Variants in ZEB2 observed in about 807,000 individuals in gnomAD.
The protein encoded by ZEB2 is zinc finger E-box binding homeobox 2.
A neutral mutation model predicts 99.9 loss-of-function variants in ZEB2; 6 were observed. That is an observed-to-expected ratio of 0.06 (90% CI 0.03 to 0.12). The LOEUF (loss-of-function observed/expected upper bound fraction) is 0.12, where lower values mean the gene tolerates loss of function less well. Ranked by LOEUF, ZEB2 falls within the 10% of genes least tolerant of loss-of-function variation. The pLI is 1.00. For missense variants in ZEB2, 969 were observed against 1,502.8 expected, an observed-to-expected ratio of 0.64 and a Z score of 5.87; for synonymous variants, 517 against 542.5, an observed-to-expected ratio of 0.95 and a Z score of 0.65.
chr2:144,486,809 A>G (rs1704602806), intron 2 of ZEB2, among the ~76,000 whole-genome samples: 1 of 152,218 alleles, frequency 6.6e-6, no homozygotes, highest in Non-Finnish European at 1.5e-5. Context: ...AAAAATCAAG[A>G]TTAACAAGCA....
At chr2:144,517,511 G>A (rs1573822123) in intron 1 of ZEB2, 92 bp from the exon 2 acceptor site, 1 of 827,692 alleles carries the variant, frequency 1.2e-6, no homozygotes, top group Non-Finnish European at 2.0e-6. Flanking sequence ...GGGCCCCGGC[G>A]AGCACCCATC....
At chr2:144,475,695 TA>T (rs1359971962) in intron 2 of ZEB2, among the ~76,000 whole-genome samples, 2 of 151,962 alleles carry the variant, frequency 1.3e-5, no homozygotes, top group East Asian at 3.9e-4. Context: ...ACTGCCTCCT[TA>T]AAAAAAATTA....
At chr2:144,514,190 G>A in intron 2 of ZEB2, 1 of 221,366 alleles carries the variant, frequency 4.5e-6, no homozygotes, top group Non-Finnish European at 9.2e-6. Context: ...TTCTTCAACT[G>A]CCTCCTTCTC....
chr2:144,495,087 T>C (rs1704740772), intron 2 of ZEB2: 1 of 152,246 alleles, frequency 6.6e-6, no homozygotes, highest in African/African-American at 2.4e-5. Flanking sequence ...CTATGTTCGG[T>C]CCTTGAACTG....
chr2:144,395,402 G>T (rs1426797271), intron 9 of ZEB2, among the ~76,000 whole-genome samples: 1 of 151,374 alleles, frequency 6.6e-6, no homozygotes, highest in Non-Finnish European at 1.5e-5. Context: ...CCTCCATATT[G>T]AAATGTTTGA....
At chr2:144,480,140 T>G (rs1250096382) in intron 2 of ZEB2, among the ~76,000 whole-genome samples, 1 of 152,170 alleles carries the variant, frequency 6.6e-6, no homozygotes. Context: ...ATGAAAGCAA[T>G]AGTCTTTTAT....
rs6711223 is a variant in ZEB2 at position 144,400,257 on chromosome 2, G to A, written c.930C>T (p.Tyr310=). ...AACGTTTCTTGCAGTTTGGGCACTC[G>A]TAAGGTTTTTCACCTAAAATGATAA... ...HLRIHSGEKP[Y]ECPNCKKRFS... Residue 310 remains tyrosine, a synonymous_variant, in exon 8 of 10, where the codon TAC becomes TAT. Transcript: ENST00000627532. 2.7e-3 allele frequency: 4,342 copies of A among 1,609,982 alleles called. 53 individuals are homozygous for A. In the African/African-American group the frequency reaches 0.031, roughly 12 times the overall value.
chr2:144,513,136 T>C, intron 2 of ZEB2: 1 of 1,285,886 alleles, frequency 7.8e-7, no homozygotes, highest in Non-Finnish European at 1.0e-6. Flanking sequence ...GACTGCATTT[T>C]CTTTCCTTTT....
chr2:144,433,730 C>T (rs1703802472), intron 2 of ZEB2, among the ~76,000 whole-genome samples: 1 of 152,130 alleles, frequency 6.6e-6, no homozygotes, highest in Non-Finnish European at 1.5e-5. Flanking sequence ...GTAAACAATA[C>T]TCTAAATTAT....
intron 3 of ZEB2, 59 bp from the exon 4 acceptor site, chr2:144,424,926 C>A: frequency 6.5e-7 from 1 of 1,549,360 alleles, no homozygotes; most frequent in Non-Finnish European, 8.9e-7. Context: ...CTATACTAAG[C>A]ATGCCAAGCA....
Position 144,424,880 on chromosome 2 carries a change from ATTATCT to A in ZEB2, c.332-19_332-14del, listed in dbSNP as rs779573321. ...TCCTTCATTTCTTCTGTGGGGGAAA[ATTATCT>A]TTAGCATTTGAGAATTGTAGAAAGG... is the stretch of plus-strand genomic sequence containing the variant. On this transcript the variant is annotated splice_polypyrimidine_tract_variant and intron_variant, in intron 3 of 9. Coordinates refer to ENST00000627532, the MANE Select transcript of ZEB2 (RefSeq NM_014795.4). The A allele has an allele frequency of 2.7e-5, 44 of 1,613,636 alleles. No homozygotes were observed. Among genetic ancestry groups the A allele is most frequent in the Non-Finnish European group, 3.6e-5 (43 of 1,179,728 alleles).
At chr2:144,442,734 T>C (rs756158563) in intron 2 of ZEB2, among the ~76,000 whole-genome samples, 1 of 152,190 alleles carries the variant, frequency 6.6e-6, no homozygotes, top group African/African-American at 2.4e-5. Context: ...TTACAAAGCA[T>C]GTATATTTTA....
intron 2 of ZEB2, chr2:144,511,327 G>A (rs1560656892): frequency 3.7e-6 from 4 of 1,094,178 alleles, no homozygotes; most frequent in Non-Finnish European, 4.6e-6. Context: ...TACCTCCTCA[G>A]AGGAAACACA....
At chr2:144,422,705 C>T (rs1026133839) in intron 4 of ZEB2, among the ~76,000 whole-genome samples, 2 of 152,164 alleles carry the variant, frequency 1.3e-5, no homozygotes, top group Non-Finnish European at 2.9e-5. Context: ...GAGGCTGAGG[C>T]AGGAGAATCG....
At chr2:144,503,334 C>T (rs918560950) in intron 2 of ZEB2, among the ~76,000 whole-genome samples, 2 of 152,190 alleles carry the variant, frequency 1.3e-5, no homozygotes, top group African/African-American at 2.4e-5. Flanking sequence ...AAAACTGTGA[C>T]AAGGCCAATA....
Position 144,405,007 on chromosome 2 carries a change from T to C in ZEB2, c.421A>G (p.Thr141Ala). 6.2e-6 allele frequency: 10 copies of C among 1,614,038 alleles called. 1 individual carries two copies. The South Asian group carries it at 1.1e-4, about 18-fold the overall frequency. ...NNGTVKNANCTSDFEEYFAKR... is the reference protein window; with the variant it reads ...NNGTVKNANCASDFEEYFAKR... ...GCAAAGTATTCCTCAAAATCTGATGTGCAATTTGCATTCTTCACTGAAATC... is the reference window on the plus strand; with the variant it reads ...GCAAAGTATTCCTCAAAATCTGATGCGCAATTTGCATTCTTCACTGAAATC... Residue 141 changes from threonine (T) to alanine (A), a missense_variant, in exon 5 of 10, where the codon ACA becomes GCA. Thr to Ala is a moderately conservative substitution (Grantham distance 58, BLOSUM62 0). This residue lies in a region of ZEB2 where 173 missense variants were observed against 217.7 expected (regional missense o/e 0.79). Transcript: ENST00000627532.
At chr2:144,510,488 C>T (rs1176393803) in intron 2 of ZEB2, among the ~76,000 whole-genome samples, 4 of 152,154 alleles carry the variant, frequency 2.6e-5, no homozygotes, top group African/African-American at 7.2e-5. Flanking sequence ...GGGGAGAATT[C>T]GATCCCCTCC....
At chr2:144,418,762 T>C (rs1703579340) in intron 4 of ZEB2, among the ~76,000 whole-genome samples, 1 of 150,812 alleles carries the variant, frequency 6.6e-6, no homozygotes, top group African/African-American at 2.4e-5. Context: ...TCTATGTTAG[T>C]TGTTGTACTG....
rs563894359 is a variant in ZEB2 at position 144,432,575 on chromosome 2, C to A, written c.74-2549G>T. Among the ~76,000 whole-genome samples, 8 of 152,246 alleles carry A rather than the reference C, an allele frequency of 5.3e-5. No individual in the cohort carries two copies. The South Asian group carries it at 1.7e-3, about 32-fold the overall frequency. ...TGCACTTCCTGATCCCTACCCCATG[C>A]CCCGACTTCTAAATCCCAGGATTTT... On this transcript the variant is annotated intron_variant, in intron 2 of 9. Coordinates refer to ENST00000627532, the MANE Select transcript of ZEB2 (RefSeq NM_014795.4).
Sources: gnomAD v4.1 joint callset for allele counts (sites outside exome capture counted in the v4.1 genomes callset) on GRCh38, gnomAD v4.1.1 for gene constraint, gnomAD v4.1.1 regional missense constraint, MANE v1.5 for transcripts, NCBI Gene and HGNC (gene_info 2026-07-23, HGNC 2026-07-21) for gene names.